The following LRRK1 variants were observed in gnomAD, a reference collection of about 807,000 sequenced individuals.
LRRK1 encodes leucine rich repeat kinase 1.
In LRRK1, 113 loss-of-function variants were observed where a neutral mutation model predicts 209.1. The ratio of observed to expected loss-of-function variants is 0.54; its 90% CI spans 0.46 to 0.63. LRRK1 has a LOEUF of 0.63. Among genes scored for constraint, LRRK1 ranks in the 30% least tolerant of loss-of-function variants. LRRK1 has a pLI of 0.00. For missense variants in LRRK1, 2,284 were observed against 2,632.2 expected, an observed-to-expected ratio of 0.87 and a Z score of 2.89; for synonymous variants, 1,144 against 1,099.7, an observed-to-expected ratio of 1.04 and a Z score of -0.80.
intron 6 of LRRK1, among the ~76,000 whole-genome samples, chr15:101,004,285 TG>T (rs923888834): frequency 4.6e-5 from 7 of 152,110 alleles, no homozygotes; most frequent in Non-Finnish European, 4.4e-5. Context: ...TGGAGCCAAC[TG>T]GGGGGCTGTC....
At position 101,065,952 on chromosome 15, in the gene LRRK1, T is replaced by C; in HGVS notation, c.5515T>C (p.Cys1839Arg). ...LIHQESLTDYCSMSSYSSSPP... is the reference protein window; with the variant it reads ...LIHQESLTDYRSMSSYSSSPP... Reference sequence around the variant, plus strand: ...CCACCAGGAATCACTCACTGACTACTGCTCCATGTCCTCCTACTCCTCATC... The same window carrying C: ...CCACCAGGAATCACTCACTGACTACCGCTCCATGTCCTCCTACTCCTCATC... Residue 1839 changes from cysteine (C) to arginine (R), a missense_variant, in exon 32 of 34, where the codon TGC becomes CGC. Cys to Arg is a radical substitution (Grantham distance 180). Coordinates refer to ENST00000388948, the MANE Select transcript of LRRK1 (RefSeq NM_024652.6). The C allele has an allele frequency of 6.2e-7, 1 of 1,614,174 alleles. No individual in the cohort carries two copies. The highest frequency in any genetic ancestry group is 8.5e-7 in the Non-Finnish European group (1 of 1,180,028).
intron 2 of LRRK1, among the ~76,000 whole-genome samples, chr15:100,963,282 C>T (rs189422426): frequency 2.5e-4 from 38 of 152,256 alleles, no homozygotes; most frequent in African/African-American, 3.9e-4. Flanking sequence ...TGGCCGCATC[C>T]GAGCCCCTTA....
intron 6 of LRRK1, among the ~76,000 whole-genome samples, chr15:100,996,068 C>G (rs1230080217): frequency 6.6e-6 from 1 of 152,248 alleles, no homozygotes; most frequent in Non-Finnish European, 1.5e-5. Context: ...CTGGAGGCAG[C>G]TGAGCCAGGG....
At chr15:100,957,715 C>T (rs970795243) in intron 2 of LRRK1, among the ~76,000 whole-genome samples, 3 of 152,182 alleles carry the variant, frequency 2.0e-5, no homozygotes, top group Non-Finnish European at 2.9e-5. Context: ...TTATAGGTAG[C>T]ATATTGCTGG....
At chr15:101,052,375 C>G (rs574509393) in intron 24 of LRRK1, among the ~76,000 whole-genome samples, 1 of 105,650 alleles carries the variant, frequency 9.5e-6, no homozygotes, top group East Asian at 2.1e-4. Context: ...AGCTCCCACC[C>G]AGAGCCTTGT....
chr15:100,949,812 C>G lies in LRRK1; in HGVS notation c.98-23992C>G, dbSNP rs574809986. 2.6e-5 allele frequency among the ~76,000 whole-genome samples: 4 copies of G among 152,174 alleles called. No individual in the cohort carries two copies. In the South Asian group the frequency reaches 8.3e-4, roughly 32 times the overall value. ...GAAAAGCATTTAACAAAATTCACTACCCTTTGATGAGAAACACTCAGTAAA... is the reference window on the plus strand; with the variant it reads ...GAAAAGCATTTAACAAAATTCACTAGCCTTTGATGAGAAACACTCAGTAAA... On this transcript the variant is annotated intron_variant, in intron 2 of 33. Transcript: ENST00000388948.
intron 2 of LRRK1, among the ~76,000 whole-genome samples, chr15:100,931,914 CCA>C (rs1172222988): frequency 1.3e-5 from 2 of 152,212 alleles, no homozygotes; most frequent in African/African-American, 2.4e-5. Context: ...TAAGAGAAAG[CCA>C]CAGTTATTCT....
chr15:101,049,934 G>A (rs1257079323), intron 23 of LRRK1, 151 bp downstream of exon 23: 1 of 826,452 alleles, frequency 1.2e-6, no homozygotes, highest in Non-Finnish European at 1.8e-6. Flanking sequence ...TGGGAGTCCT[G>A]GCCCCCGAGA....
At chr15:100,927,357 C>T (rs2042134093) in intron 2 of LRRK1, among the ~76,000 whole-genome samples, 1 of 152,214 alleles carries the variant, frequency 6.6e-6, no homozygotes, top group Admixed American at 6.5e-5. Flanking sequence ...TAAAGGCCTG[C>T]ATCTGAGCTT....
In LRRK1 at chr15:101,021,855, C is replaced by G. The variant is rs1270375539; in HGVS notation, c.1750C>G (p.Leu584Val). The change falls in exon 14 of 34, where the codon CTC becomes GTC. Residue 584 changes from leucine to valine, a missense_variant. Transcript: ENST00000388948. Reference sequence around the variant, plus strand: ...CACATCTGTCTTCAGCAACCCTGGCCTCCGGGAGCTCCCTCCTGAGCTGGG... The same window carrying G: ...CACATCTGTCTTCAGCAACCCTGGCGTCCGGGAGCTCCCTCCTGAGCTGGG... ...SELYLGNNPG[L>V]RELPPELGQL... 4 of 1,613,048 alleles carry G rather than the reference C, an allele frequency of 2.5e-6. No homozygotes were observed. Among genetic ancestry groups the G allele is most frequent in the Middle Eastern group, 1.6e-4 (1 of 6,082 alleles).
chr15:100,998,153 CTG>C (rs1280555841), intron 6 of LRRK1, among the ~76,000 whole-genome samples: 1 of 150,056 alleles, frequency 6.7e-6, no homozygotes, highest in Non-Finnish European at 1.5e-5. Flanking sequence ...GCACTTCAGC[CTG>C]GACGACAGAA....
chr15:100,919,609 G>A lies in LRRK1; in HGVS notation c.-123+158G>A, dbSNP rs1296377749. 6.7e-6 allele frequency among the ~76,000 whole-genome samples: 1 copy of A among 149,692 alleles called. No individual in the cohort carries two copies. On this transcript the variant is annotated intron_variant, in intron 1 of 33. Coordinates refer to ENST00000388948, the MANE Select transcript of LRRK1 (RefSeq NM_024652.6). The surrounding 1 kb of genome is among the most constrained non-coding windows in gnomAD (Gnocchi z 5.8). ...GCGGCCGCGTGGTCGGGCACGGGGG[G>A]CCGTTGCGCAGGGGCCGCGGCCCGA...
At chr15:101,006,132 CAG>C (rs1491193689) in intron 6 of LRRK1, among the ~76,000 whole-genome samples, 5 of 152,150 alleles carry the variant, frequency 3.3e-5, no homozygotes, top group African/African-American at 4.8e-5. Flanking sequence ...TGAGACCAAA[CAG>C]GGCACCACCT....
chr15:101,008,688 C>A (rs1164297796), intron 6 of LRRK1, 149 bp from the exon 7 acceptor site: 2 of 640,122 alleles, frequency 3.1e-6, no homozygotes, highest in African/African-American at 1.8e-5. Context: ...CAGGTGCCGG[C>A]GGCCGAGAAG....
rs1312823683 is a variant in LRRK1 at position 101,053,424 on chromosome 15, C to A, written c.4054+4C>A. 1.3e-6 allele frequency: 2 copies of A among 1,568,684 alleles called. No homozygotes were observed. Among genetic ancestry groups the A allele is most frequent in the Non-Finnish European group, 8.6e-7 (1 of 1,163,564 alleles). On this transcript the variant is annotated splice_donor_region_variant and intron_variant, in intron 26 of 33. Transcript: ENST00000388948. Reference sequence around the variant, plus strand: ...GTGCTGTCCGAGAACGCCAGAGGTACCGCGGCGCGCCGCCCCACCCGGCCC... The same window carrying A: ...GTGCTGTCCGAGAACGCCAGAGGTAACGCGGCGCGCCGCCCCACCCGGCCC...
intron 12 of LRRK1, among the ~76,000 whole-genome samples, chr15:101,015,683 G>A (rs560721901): frequency 6.6e-6 from 1 of 152,368 alleles, no homozygotes; most frequent in African/African-American, 2.4e-5. Flanking sequence ...ACCAGGCAGT[G>A]CCCTAGGCAG....
At chr15:100,976,181 CCTT>C (rs66935216) in intron 3 of LRRK1, among the ~76,000 whole-genome samples, 11,586 of 152,140 alleles carry the variant, frequency 0.076, 762 homozygotes, top group African/African-American at 0.18. Flanking sequence ...TCATGTAAAA[CCTT>C]CTGACAAAGC....
intron 2 of LRRK1, among the ~76,000 whole-genome samples, chr15:100,950,036 G>T (rs1397939123): frequency 1.3e-5 from 2 of 152,166 alleles, no homozygotes; most frequent in Admixed American, 6.5e-5. Context: ...ACAAGAAAAA[G>T]AAATGAAATC....
chr15:101,017,879 G>GAT (rs933975112), intron 12 of LRRK1, among the ~76,000 whole-genome samples: 4 of 151,894 alleles, frequency 2.6e-5, no homozygotes, highest in Admixed American at 6.6e-5. Flanking sequence ...GACAAAACAC[G>GAT]ATACTAGATT....
Sources: allele counts gnomAD v4.1 joint callset (sites outside exome capture counted in the v4.1 genomes callset), GRCh38; gene constraint gnomAD v4.1.1; non-coding constraint Gnocchi (gnomAD v3.1); transcripts MANE v1.5; gene names NCBI Gene and HGNC (gene_info 2026-07-23, HGNC 2026-07-21).